KIF1A: variants seen among roughly 807,000 people sequenced by gnomAD.
The protein encoded by KIF1A is kinesin-like protein KIF1A.
In KIF1A, 46 loss-of-function variants were observed where a neutral mutation model predicts 227.3. The observed-to-expected ratio is 0.20, with a 90% CI of 0.16 to 0.26. KIF1A has a LOEUF of 0.26. Ranked by LOEUF, KIF1A falls within the 10% of genes least tolerant of loss-of-function variation. The pLI, the probability that KIF1A is intolerant of heterozygous loss-of-function variation, is 1.00. For missense variants in KIF1A, 1,683 were observed against 2,485.9 expected (o/e 0.68, Z 6.87); for synonymous variants, 1,022 against 1,012.8 (o/e 1.01, Z -0.17).
rs537708830 is a variant in KIF1A, at chr2:240,725,319, C to A, written c.4208G>T (p.Arg1403Leu). Reference sequence around the variant, plus strand: ...ACTGCCAAAGAGGTTGCGGATGGAGCGCGAGGCTGGCAGCTTGGCATCACG... The same window carrying A: ...ACTGCCAAAGAGGTTGCGGATGGAGAGCGAGGCTGGCAGCTTGGCATCACG... ...YSRDAKLPAS[R>L]SIRNLFGSGS... Residue 1403 changes from arginine (R) to leucine (L), a missense_variant, in exon 40 of 49, where the codon CGC becomes CTC. Transcript: ENST00000498729. This position sits in a 1 kb window ranked among gnomAD's most constrained non-coding sequence, Gnocchi z 5.8. The A allele has an allele frequency of 3.7e-6, 6 of 1,610,500 alleles. No individual in the cohort carries two copies. The highest frequency in any genetic ancestry group is 4.2e-6 in the Non-Finnish European group (5 of 1,179,060).
intron 27 of KIF1A, 37 bp from the exon 28 acceptor site, chr2:240,750,584 C>A: frequency 6.9e-7 from 1 of 1,456,464 alleles, no homozygotes; most frequent in East Asian, 2.3e-5. Context: ...TGGGCCACCC[C>A]TCCACGCATG....
chr2:240,786,830 G>A (rs1864875), intron 5 of KIF1A, among the ~76,000 whole-genome samples: 23,768 of 78,292 alleles, frequency 0.3, 4,736 homozygotes, highest in African/African-American at 0.5. Flanking sequence ...GTGAGAGGGT[G>A]GGGGCTGCCT....
At chr2:240,781,940 G>C in intron 10 of KIF1A, 1 of 985,362 alleles carries the variant, frequency 1.0e-6, no homozygotes, top group Non-Finnish European at 1.2e-6. Context: ...ACAGTTCTCT[G>C]TCCCCACACA....
chr2:240,805,158 G>A (rs1172220172), intron 1 of KIF1A, among the ~76,000 whole-genome samples: 2 of 117,884 alleles, frequency 1.7e-5, no homozygotes, highest in Admixed American at 1.7e-4. Flanking sequence ...GGAGGGAGGC[G>A]GGAGGGAGAG....
rs1170649054 is a variant in KIF1A at position 240,766,505 on chromosome 2, C to T, written c.1684+410G>A. Among the ~76,000 whole-genome samples the T allele has an allele frequency of 6.6e-6, 1 of 152,120 alleles. No individual in the cohort carries two copies. Among genetic ancestry groups the T allele is most frequent in the Non-Finnish European group, 1.5e-5 (1 of 67,998 alleles). On this transcript the variant is annotated intron_variant, in intron 19 of 48. Transcript: ENST00000498729. This position sits in a 1 kb window ranked among gnomAD's most constrained non-coding sequence, Gnocchi z 5.0. Reference sequence around the variant, plus strand: ...CTAGATCTGGGCTCAATCCTCATGGCTCACTGTCCTCCCGCCATGAACATC... The same window carrying T: ...CTAGATCTGGGCTCAATCCTCATGGTTCACTGTCCTCCCGCCATGAACATC...
intron 1 of KIF1A, among the ~76,000 whole-genome samples, chr2:240,804,868 G>A (rs1189087428): frequency 6.6e-6 from 1 of 152,042 alleles, no homozygotes; most frequent in East Asian, 1.9e-4. Context: ...ATCCTCCCAG[G>A]AGAAGGCTTC....
At chr2:240,804,260 C>T (rs912886766) in intron 1 of KIF1A, among the ~76,000 whole-genome samples, 2 of 152,080 alleles carry the variant, frequency 1.3e-5, no homozygotes, top group Admixed American at 6.6e-5. Context: ...AGCGAGACTC[C>T]GTCTCAAAAA....
At position 240,740,471 on chromosome 2, in the gene KIF1A, C is replaced by T; in HGVS notation, c.3750-107G>A. 2.2e-6 allele frequency: 2 copies of T among 901,952 alleles called. No individual in the cohort carries two copies. Among genetic ancestry groups the T allele is most frequent in the East Asian group, 2.5e-5 (1 of 40,340 alleles). 55.9% of individuals were successfully genotyped at this position (901,952 alleles called of 1,614,324 possible). A position where few individuals can be genotyped will look rare whatever the true frequency, so the allele number is the denominator to read the frequency against. ...CAAAAACAGGGAAAAGTCAGCAGCT[C>T]CCTCTGGTGAAGATCAGGTGGTCTG... On this transcript the variant is annotated intron_variant, in intron 35 of 48. Transcript: ENST00000498729. The surrounding 1 kb of genome is among the most constrained non-coding windows in gnomAD (Gnocchi z 6.1).
rs190195227 is a variant in KIF1A at position 240,771,046 on chromosome 2, G to A, written c.1266C>T (p.Arg422=). The A allele has an allele frequency of 2.2e-5, 36 of 1,613,344 alleles. No homozygotes were observed. Among genetic ancestry groups the A allele is most frequent in the East Asian group, 1.1e-4 (5 of 44,870 alleles). Residue 422 remains arginine (R), a synonymous_variant, in exon 15 of 49, where the codon CGC becomes CGT. Coordinates refer to ENST00000498729, the MANE Select transcript of KIF1A (RefSeq NM_001244008.2). ...CGTGGAGGCTGGACACGGAGGCCGC[G>A]CGGCTGGACAGGGCTGAGAGCGAGG... ...PSSSLSALSS[R]AASVSSLHER... is the part of the protein sequence containing the mutation.
At position 240,717,174 on chromosome 2, in the gene KIF1A, G is replaced by A. The variant is rs921006450; in HGVS notation, c.*190C>T. The stretch of plus-strand genomic sequence containing the variant: ...CACATTCTGCAAGAAGAACTGACAC[G>A]CACAGCCTCTGCTGGGAGCACAGCT... On this transcript the variant is annotated 3_prime_UTR_variant, in exon 49 of 49. Coordinates refer to ENST00000498729, the MANE Select transcript of KIF1A (RefSeq NM_001244008.2). The A allele has an allele frequency of 8.8e-5, 48 of 544,650 alleles. No individual in the cohort carries two copies. Among genetic ancestry groups the A allele is most frequent in the Middle Eastern group, 9.2e-4 (2 of 2,170 alleles). 33.7% of individuals were successfully genotyped at this position (544,650 alleles called of 1,614,324 possible). A position where few individuals can be genotyped will look rare whatever the true frequency, so the allele number is the denominator to read the frequency against.
At position 240,775,483 on chromosome 2, in the gene KIF1A, C is replaced by G. The variant is rs1178252947; in HGVS notation, c.958+368G>C. On this transcript the variant is annotated intron_variant, in intron 11 of 48. Transcript: ENST00000498729. This position sits in a 1 kb window ranked among gnomAD's most constrained non-coding sequence, Gnocchi z 5.5. ...TGGCAGCCCCTCAAAATCCAGCAAG[C>G]AGAGCTCCCAGATCGCGTCCCAGGT... Among the ~76,000 whole-genome samples, 1 of 152,198 alleles carries G rather than the reference C, an allele frequency of 6.6e-6. No homozygotes were observed. Among genetic ancestry groups the G allele is most frequent in the Non-Finnish European group, 1.5e-5 (1 of 68,028 alleles).
rs1421862674 is a variant in KIF1A at position 240,726,623 on chromosome 2, C to T, written c.4122+203G>A. ...CTCGGTCTCAAAAACAAAAAAAAAACAGCACATGGATTTATGGATTTATGG... is the reference window on the plus strand; with the variant it reads ...CTCGGTCTCAAAAACAAAAAAAAAATAGCACATGGATTTATGGATTTATGG... On this transcript the variant is annotated intron_variant, in intron 39 of 48. Coordinates refer to ENST00000498729, the MANE Select transcript of KIF1A (RefSeq NM_001244008.2). The surrounding 1 kb of genome is among the most constrained non-coding windows in gnomAD (Gnocchi z 5.2). Among the ~76,000 whole-genome samples the T allele has an allele frequency of 6.6e-6, 1 of 151,958 alleles. No homozygotes were observed. Among genetic ancestry groups the T allele is most frequent in the Non-Finnish European group, 1.5e-5 (1 of 67,960 alleles).
Position 240,766,741 on chromosome 2 carries a change from T to TCA in KIF1A, c.1684+173_1684+174insTG, listed in dbSNP as rs71049519. Among the ~76,000 whole-genome samples, 23 of 112,518 alleles carry TCA rather than the reference T, an allele frequency of 2.0e-4. No individual in the cohort carries two copies. Among genetic ancestry groups the TCA allele is most frequent in the South Asian group, 3.0e-4 (1 of 3,328 alleles). The allele number at this position is 112,518 out of a possible 152,430, so 73.8% of individuals were successfully genotyped here. ...CTCCAAATCTCTCTCTCTCTCTCTC[T>TCA]CTCTCTCTCACACACACACACACAC... On this transcript the variant is annotated intron_variant, in intron 19 of 48. Transcript: ENST00000498729. The surrounding 1 kb of genome is among the most constrained non-coding windows in gnomAD (Gnocchi z 5.0).
At chr2:240,723,669 G>C in intron 41 of KIF1A, 111 bp from the exon 42 acceptor site, 2 of 1,261,374 alleles carry the variant, frequency 1.6e-6, no homozygotes, top group Non-Finnish European at 2.2e-6. Flanking sequence ...AGTGGAGATG[G>C]GCTTCCCCTG....
rs1450238765 is a variant in KIF1A, at chr2:240,747,286, G to A, written c.3013C>T (p.Arg1005Cys). 6.8e-6 allele frequency: 11 copies of A among 1,613,352 alleles called. No individual in the cohort carries two copies. The highest frequency in any genetic ancestry group is 4.2e-6 in the Non-Finnish European group (5 of 1,179,644). Residue 1005 changes from arginine (R) to cysteine (C), a missense_variant, in exon 29 of 49, where the codon CGC (arginine) becomes TGC (cysteine). Physicochemically the swap from Arg to Cys is radical, Grantham distance 180. Coordinates refer to ENST00000498729, the MANE Select transcript of KIF1A (RefSeq NM_001244008.2). ...GAGATTTTAGCAGTTCCCGACTGGC[G>A]GACGCCAGAGCCATAATCAGGGGCC... ...EEAPDYGSGV[R>C]QSGTAKISFD...
chr2:240,800,546 A>G (rs2056883009), intron 1 of KIF1A, among the ~76,000 whole-genome samples: 1 of 152,190 alleles, frequency 6.6e-6, no homozygotes. Context: ...GGGAATCTGG[A>G]GTCTTCCCAG....
At position 240,715,670 on chromosome 2, in the gene KIF1A, G is replaced by A. The variant is rs3732339; in HGVS notation, c.*1694C>T. Reference sequence around the variant, plus strand: ...CCTTCCCATGTGGTGTAGAAGGCCCGTGCTCCCCCACTCCTGAGCCGCTGT... The same window carrying A: ...CCTTCCCATGTGGTGTAGAAGGCCCATGCTCCCCCACTCCTGAGCCGCTGT... On this transcript the variant is annotated 3_prime_UTR_variant, in exon 49 of 49. Transcript: ENST00000498729. The A allele has an allele frequency of 0.12, 18,889 of 152,266 alleles. 2,310 individuals are homozygous for A. Among genetic ancestry groups the A allele is most frequent in the Admixed American group, 0.27 (4,130 of 15,262 alleles). 9.4% of individuals were successfully genotyped at this position (152,266 alleles called of 1,614,324 possible). A position where few individuals can be genotyped will look rare whatever the true frequency, so the allele number is the denominator to read the frequency against.
chr2:240,794,587 A>G (rs950725636), intron 2 of KIF1A, among the ~76,000 whole-genome samples: 4 of 152,268 alleles, frequency 2.6e-5, no homozygotes, highest in Admixed American at 1.3e-4. Flanking sequence ...AGCAGCTCCC[A>G]GCTGGCGGGC....
At chr2:240,741,205 C>A in intron 35 of KIF1A, 64 bp downstream of exon 35, 1 of 1,139,306 alleles carries the variant, frequency 8.8e-7, no homozygotes, top group Non-Finnish European at 1.3e-6. Context: ...CTCAAGTCCT[C>A]GTCCCTCTCC....
Sources: gnomAD v4.1 joint callset for allele counts (sites outside exome capture counted in the v4.1 genomes callset) on GRCh38, gnomAD v4.1.1 for gene constraint, Gnocchi (gnomAD v3.1) non-coding constraint, MANE v1.5 for transcripts, NCBI Gene and HGNC (gene_info 2026-07-23, HGNC 2026-07-21) for gene names.